The following RCOR3 variants were observed in gnomAD, a reference collection of about 807,000 sequenced individuals.
RCOR3 encodes REST corepressor 3.
RCOR3 carries 13 observed loss-of-function variants against 64.1 expected under a neutral mutation model. That is an observed-to-expected ratio of 0.20 (90% CI 0.13 to 0.32). The LOEUF (loss-of-function observed/expected upper bound fraction) is 0.32. Ranked by LOEUF, RCOR3 falls within the 10% of genes least tolerant of loss-of-function variation. The pLI is 1.00. For synonymous variants in RCOR3, 215 were observed against 239.0 expected, an observed-to-expected ratio of 0.90 and a Z score of 0.93; for missense variants, 489 against 701.2, an observed-to-expected ratio of 0.70 and a Z score of 3.42.
At chr1:211,262,723 C>T (rs1332371669) in intron 2 of RCOR3, among the ~76,000 whole-genome samples, 1 of 151,728 alleles carries the variant, frequency 6.6e-6, no homozygotes, top group Non-Finnish European at 1.5e-5. Context: ...CATTGGAAAG[C>T]ATCTTTTTTG....
chr1:211,280,882 G>T (rs1190544456), intron 7 of RCOR3, among the ~76,000 whole-genome samples: 2 of 151,828 alleles, frequency 1.3e-5, no homozygotes, highest in African/African-American at 4.8e-5. Context: ...TACTCGGGAG[G>T]TCGAGGCAGG....
Position 211,271,743 on chromosome 1 carries a change from G to C in RCOR3, c.301+434G>C, listed in dbSNP as rs1340075274. On this transcript the variant is annotated intron_variant, in intron 3 of 11. Transcript: ENST00000419091. ...TCAGCAGCCATCAGGTCATCTTTGT[G>C]CTCTCCATTTCTGGACGGAGACCTT... 3 of 296,488 alleles carry C rather than the reference G, an allele frequency of 1.0e-5. No individual in the cohort carries two copies. The East Asian group carries it at 2.3e-4, about 23-fold the overall frequency. The allele number at this position is 296,488 out of a possible 1,614,324, so 18.4% of individuals were successfully genotyped here.
chr1:211,294,039 A>T (rs1699560879), intron 8 of RCOR3, among the ~76,000 whole-genome samples: 1 of 152,212 alleles, frequency 6.6e-6, no homozygotes, highest in African/African-American at 2.4e-5. Flanking sequence ...AACTGTTATA[A>T]TATAAGTAGA....
chr1:211,279,833 C>T (rs1257583422), intron 7 of RCOR3, among the ~76,000 whole-genome samples: 1 of 152,158 alleles, frequency 6.6e-6, no homozygotes, highest in African/African-American at 2.4e-5. Context: ...TCCTTTAACT[C>T]CCCACTTCCC....
rs536005199 is a variant in RCOR3 at position 211,313,263 on chromosome 1, T to A, written c.1318-161T>A. On this transcript the variant is annotated intron_variant, in intron 11 of 11. Coordinates refer to ENST00000419091, the MANE Select transcript of RCOR3 (RefSeq NM_001136223.3). This position sits in a 1 kb window ranked among gnomAD's most constrained non-coding sequence, Gnocchi z 4.7. The stretch of plus-strand genomic sequence containing the variant: ...TTGGTTTTTGGTTTTTGGTTTTGTT[T>A]TGTTTAAAATAAAAGAAGCTTGTGC... 2,735 of 1,432,494 alleles carry A rather than the reference T, an allele frequency of 1.9e-3. 5 individuals are homozygous for A. Among genetic ancestry groups the A allele is most frequent in the Non-Finnish European group, 2.3e-3 (2,533 of 1,098,728 alleles). The allele number at this position is 1,432,494 out of a possible 1,614,324, so 88.7% of individuals were successfully genotyped here.
chr1:211,300,071 C>CAT (rs1700218996), intron 9 of RCOR3, among the ~76,000 whole-genome samples: 1 of 121,300 alleles, frequency 8.2e-6, no homozygotes. Context: ...TTCTTTCTTT[C>CAT]TTTTTTTTTT....
chr1:211,297,630 A>T (rs1367046100), intron 9 of RCOR3, among the ~76,000 whole-genome samples: 4 of 152,196 alleles, frequency 2.6e-5, no homozygotes, highest in Non-Finnish European at 5.9e-5. Context: ...CCAAAATGTT[A>T]ACACTCCACC....
chr1:211,313,386 T>G lies in RCOR3; in HGVS notation c.1318-38T>G. ...ATATTGTATTAAGTTCATTAGGACT[T>G]ACATCTCATACGTGTATTTTTGTTT... On this transcript the variant is annotated intron_variant, in intron 11 of 11. Transcript: ENST00000419091. This position sits in a 1 kb window ranked among gnomAD's most constrained non-coding sequence, Gnocchi z 4.7. 6.3e-7 allele frequency: 1 copy of G among 1,581,558 alleles called. No homozygotes were observed. The highest frequency in any genetic ancestry group is 8.6e-7 in the Non-Finnish European group (1 of 1,162,134).
intron 3 of RCOR3, among the ~76,000 whole-genome samples, chr1:211,273,282 T>C (rs752036495): frequency 9.2e-5 from 14 of 152,334 alleles, no homozygotes; most frequent in Non-Finnish European, 1.8e-4. Flanking sequence ...AGGAAGGTAC[T>C]GTTTTTAACA....
At chr1:211,297,547 A>T (rs778294515) in intron 9 of RCOR3, among the ~76,000 whole-genome samples, 1 of 152,176 alleles carries the variant, frequency 6.6e-6, no homozygotes. Flanking sequence ...TAATGCAGCT[A>T]TTGGGTGAGA....
rs1390099129 is a variant in RCOR3 at position 211,259,927 on chromosome 1, C to T, written c.167-181C>T. 10 of 857,456 alleles carry T rather than the reference C, an allele frequency of 1.2e-5. 1 individual carries two copies. The highest frequency in any genetic ancestry group is 5.6e-5 in the African/African-American group (3 of 53,992). 53.1% of individuals were successfully genotyped at this position (857,456 alleles called of 1,614,324 possible). On this transcript the variant is annotated intron_variant, in intron 1 of 11. Coordinates refer to ENST00000419091, the MANE Select transcript of RCOR3 (RefSeq NM_001136223.3). ...CCTCGACCAATCCTCCGCCTTTGCC[C>T]CCCCCCGCTCCCCGCCCCCAATCCG... is the stretch of plus-strand genomic sequence containing the variant.
chr1:211,274,236 GA>G lies in RCOR3; in HGVS notation c.332del (p.Lys111SerfsTer72). ...GGATGAATACATTGCAATTGCAAAG[GA>G]AAAGCATGGCTACAATGTGGAACAG... Reference protein sequence around the residue: ...KLDEYIAIAKEKHGYNVEQAL... With the variant: ...KLDEYIAIAKXKHGYNVEQAL... On this transcript the variant is annotated frameshift_variant, in exon 4 of 12. Coordinates refer to ENST00000419091, the MANE Select transcript of RCOR3 (RefSeq NM_001136223.3). LOFTEE classifies it high-confidence loss of function. 1.2e-6 allele frequency: 2 copies of G among 1,604,574 alleles called. No homozygotes were observed. The highest frequency in any genetic ancestry group is 1.7e-6 in the Non-Finnish European group (2 of 1,172,146).
At chr1:211,270,381 A>C (rs1183575932) in intron 2 of RCOR3, among the ~76,000 whole-genome samples, 1 of 152,104 alleles carries the variant, frequency 6.6e-6, no homozygotes, top group Non-Finnish European at 1.5e-5. Context: ...TTTTATCTTG[A>C]CTTTTCTTCT....
chr1:211,260,567 C>T (rs1694074587), intron 2 of RCOR3, among the ~76,000 whole-genome samples: 1 of 152,132 alleles, frequency 6.6e-6, no homozygotes, highest in African/African-American at 2.4e-5. Context: ...GCGCCGAGGG[C>T]CGCGCTCTGT....
chr1:211,303,749 G>A (rs1421399453), intron 9 of RCOR3: 1 of 161,764 alleles, frequency 6.2e-6, no homozygotes, highest in Non-Finnish European at 1.3e-5. Context: ...AGATCACAAG[G>A]TCAGGAGATG....
chr1:211,280,820 C>G (rs756459527), intron 7 of RCOR3, among the ~76,000 whole-genome samples: 1 of 152,084 alleles, frequency 6.6e-6, no homozygotes, highest in South Asian at 2.1e-4. Flanking sequence ...CCCGTCTCTA[C>G]TAAAAATACA....
At chr1:211,311,577 A>G (rs1701489529) in intron 10 of RCOR3, among the ~76,000 whole-genome samples, 1 of 152,194 alleles carries the variant, frequency 6.6e-6, no homozygotes, top group African/African-American at 2.4e-5. Context: ...ATTGGTAAGA[A>G]TAGCATTTCT....
At chr1:211,278,295 C>T in intron 6 of RCOR3, 54 bp downstream of exon 6, 2 of 1,563,794 alleles carry the variant, frequency 1.3e-6, no homozygotes, top group Non-Finnish European at 8.7e-7. Flanking sequence ...CATTGTATTG[C>T]TTACATTTCC....
intron 6 of RCOR3, 120 bp downstream of exon 6, chr1:211,278,361 G>C: frequency 8.6e-7 from 1 of 1,165,668 alleles, no homozygotes; most frequent in South Asian, 1.4e-5. Flanking sequence ...TTACATTTAT[G>C]TTTCTACTCT....
Sources: allele counts gnomAD v4.1 joint callset (sites outside exome capture counted in the v4.1 genomes callset), GRCh38; gene constraint gnomAD v4.1.1; non-coding constraint Gnocchi (gnomAD v3.1); transcripts MANE v1.5; gene names NCBI Gene and HGNC (gene_info 2026-07-23, HGNC 2026-07-21).